Variants in MPP7 observed in about 807,000 individuals in gnomAD.
The protein encoded by MPP7 is MAGUK p55 scaffold protein 7.
A neutral mutation model predicts 76.5 loss-of-function variants in MPP7; 60 were observed. The observed-to-expected ratio is 0.78, with a 90% confidence interval of 0.64 to 0.97. The LOEUF is 0.97. Ranked by LOEUF, MPP7 falls within the 50% of genes least tolerant of loss-of-function variation. The pLI is 0.00. For missense variants in MPP7, 641 were observed against 694.0 expected (o/e 0.92, Z 0.86); for synonymous variants, 237 against 244.5 (o/e 0.97, Z 0.29).
intron 2 of MPP7, among the ~76,000 whole-genome samples, chr10:28,230,318 A>G (rs1342492527): frequency 2.0e-5 from 3 of 151,506 alleles, no homozygotes; most frequent in African/African-American, 7.3e-5. Context: ...TCTAGTTAAA[A>G]GCAAAGATTT....
At chr10:28,065,803 C>T (rs1302561457) in intron 13 of MPP7, among the ~76,000 whole-genome samples, 3 of 152,060 alleles carry the variant, frequency 2.0e-5, no homozygotes, top group African/African-American at 4.8e-5. Flanking sequence ...TTAAAACCTA[C>T]AAAAACACAA....
intron 11 of MPP7, among the ~76,000 whole-genome samples, chr10:28,113,787 C>T (rs541883945): frequency 6.6e-6 from 1 of 152,244 alleles, no homozygotes; most frequent in Non-Finnish European, 1.5e-5. Flanking sequence ...CCATCTGGCT[C>T]GAGTCTGAGT....
chr10:28,292,125 A>G (rs1242073281), intron 1 of MPP7, among the ~76,000 whole-genome samples: 1 of 152,238 alleles, frequency 6.6e-6, no homozygotes, highest in Non-Finnish European at 1.5e-5. Context: ...AGTTGCCTAC[A>G]GTATTCAGGA....
intron 3 of MPP7, among the ~76,000 whole-genome samples, chr10:28,186,972 T>C (rs1588898894): frequency 1.3e-5 from 2 of 152,340 alleles, no homozygotes; most frequent in East Asian, 3.9e-4. Flanking sequence ...ATTTCCTGAT[T>C]CCATACATTC....
chr10:28,069,722 A>T, intron 13 of MPP7, 50 bp downstream of exon 13: 1 of 1,386,118 alleles, frequency 7.2e-7, no homozygotes, highest in Non-Finnish European at 9.7e-7. Flanking sequence ...TTAAAAATTT[A>T]AAATTATCGT....
chr10:28,070,090 A>G (rs1270772770), intron 12 of MPP7, among the ~76,000 whole-genome samples: 2 of 152,226 alleles, frequency 1.3e-5, no homozygotes, highest in Non-Finnish European at 2.9e-5. Context: ...ATTTATGTTT[A>G]AATGAGATAT....
intron 2 of MPP7, chr10:28,202,964 C>T (rs550034104): frequency 7.2e-5 from 11 of 151,892 alleles, no homozygotes; most frequent in South Asian, 4.2e-4. Flanking sequence ...TAGGGGCAGA[C>T]AGTAGTGCAG....
At chr10:28,263,418 A>G (rs947981934) in intron 1 of MPP7, among the ~76,000 whole-genome samples, 16 of 152,238 alleles carry the variant, frequency 1.1e-4, no homozygotes, top group African/African-American at 3.9e-4. Context: ...GGGGTATTAC[A>G]GAAGGGATAA....
At chr10:28,103,750 T>TGC (rs397701648) in intron 11 of MPP7, among the ~76,000 whole-genome samples, 4 of 151,672 alleles carry the variant, frequency 2.6e-5, no homozygotes, top group Admixed American at 2.6e-4. Flanking sequence ...AAAAATATTG[T>TGC]TATAAAATCC....
At chr10:28,195,528 A>G (rs554093419) in intron 3 of MPP7, among the ~76,000 whole-genome samples, 1 of 152,382 alleles carries the variant, frequency 6.6e-6, no homozygotes, top group South Asian at 2.1e-4. Context: ...GAAGTGTGAT[A>G]TAGCCATACA....
At chr10:28,169,043 C>T (rs531343816) in intron 3 of MPP7, among the ~76,000 whole-genome samples, 73 of 152,208 alleles carry the variant, frequency 4.8e-4, no homozygotes, top group African/African-American at 1.6e-3. Context: ...TTTGTTCCAC[C>T]TGTCTACTCC....
intron 11 of MPP7, among the ~76,000 whole-genome samples, chr10:28,110,291 T>C (rs1365351146): frequency 2.6e-5 from 4 of 152,180 alleles, no homozygotes; most frequent in Admixed American, 6.5e-5. Context: ...GGTTTTGCCA[T>C]GTTGGCCATG....
chr10:28,294,081 G>T (rs1840985099), intron 1 of MPP7, among the ~76,000 whole-genome samples: 1 of 152,334 alleles, frequency 6.6e-6, no homozygotes, highest in Middle Eastern at 3.4e-3. Flanking sequence ...GCCGAGGCGG[G>T]CGGATCATGA....
At chr10:28,177,407 C>CAA (rs374281842) in intron 3 of MPP7, among the ~76,000 whole-genome samples, 2 of 126,756 alleles carry the variant, frequency 1.6e-5, no homozygotes, top group Non-Finnish European at 3.4e-5. Context: ...GACTCCATTT[C>CAA]AAAAAAAAAA....
intron 3 of MPP7, among the ~76,000 whole-genome samples, chr10:28,188,586 A>G (rs140643509): frequency 7.7e-4 from 117 of 152,320 alleles, no homozygotes; most frequent in Admixed American, 1.9e-3. Context: ...TAAGGCTTCC[A>G]TGTCTTTGAG....
intron 2 of MPP7, among the ~76,000 whole-genome samples, chr10:28,206,818 C>A (rs1233939250): frequency 6.6e-6 from 1 of 152,178 alleles, no homozygotes; most frequent in Non-Finnish European, 1.5e-5. Flanking sequence ...AACAGAACCA[C>A]TAAGCTACTC....
chr10:28,194,784 A>T (rs1020432395), intron 3 of MPP7, among the ~76,000 whole-genome samples: 1 of 152,250 alleles, frequency 6.6e-6, no homozygotes, highest in African/African-American at 2.4e-5. Context: ...CAATGTAATA[A>T]TAGATGCAAG....
At position 28,258,313 on chromosome 10, in the gene MPP7, T is replaced by C. The variant is rs1316552222; in HGVS notation, c.-131-19578A>G. Among the ~76,000 whole-genome samples the C allele has an allele frequency of 2.0e-5, 3 of 149,958 alleles. 1 individual carries two copies. The highest frequency in any genetic ancestry group is 4.2e-4 in the South Asian group (2 of 4,798). On this transcript the variant is annotated intron_variant, in intron 1 of 16. Transcript: ENST00000683449. Reference sequence around the variant, plus strand: ...ATACCAAAAGTCTACAGTTTGCCTATATATACTACTATCTAGTAAATTTCC... The same window carrying C: ...ATACCAAAAGTCTACAGTTTGCCTACATATACTACTATCTAGTAAATTTCC...
In MPP7 at chr10:28,258,408, ATTT is replaced by A. The variant is rs985107617; in HGVS notation, c.-131-19676_-131-19674del. Among the ~76,000 whole-genome samples the A allele has an allele frequency of 4.9e-5, 7 of 141,926 alleles. No individual in the cohort carries two copies. The East Asian group carries it at 8.4e-4, about 17-fold the overall frequency. The allele number at this position is 141,926 out of a possible 152,430, so 93.1% of individuals were successfully genotyped here. A position where few individuals can be genotyped will look rare whatever the true frequency, so the allele number is the denominator to read the frequency against. ...TATATATATATATATATATATATAAATTTTTTTTTGAGACAGAGTCTCACTCTG... is the reference window on the plus strand; with the variant it reads ...TATATATATATATATATATATATAAATTTTTTGAGACAGAGTCTCACTCTG... On this transcript the variant is annotated intron_variant, in intron 1 of 16. Transcript: ENST00000683449.
Sources: allele counts gnomAD v4.1 joint callset (sites outside exome capture counted in the v4.1 genomes callset), GRCh38; gene constraint gnomAD v4.1.1; transcripts MANE v1.5; gene names NCBI Gene and HGNC (gene_info 2026-07-23, HGNC 2026-07-21).